The following CRISP3 variants were observed in gnomAD, a reference collection of about 807,000 sequenced individuals.
The protein encoded by CRISP3 is cysteine-rich secretory protein 3.
CRISP3 carries 33 observed loss-of-function variants against 36.1 expected under a neutral mutation model. The ratio of observed to expected loss-of-function variants is 0.91; its 90% CI spans 0.69 to 1.22. The LOEUF (loss-of-function observed/expected upper bound fraction) is 1.22, where lower values mean the gene tolerates loss of function less well. CRISP3 is among the 50% of genes most tolerant of loss of function. The pLI, the probability that CRISP3 is intolerant of heterozygous loss-of-function variation, is 0.00. For synonymous variants in CRISP3, 117 were observed against 104.6 expected, an observed-to-expected ratio of 1.12 and a Z score of -0.72; for missense variants, 330 against 301.2, an observed-to-expected ratio of 1.10 and a Z score of -0.71.
In CRISP3 at chr6:49,727,384, C is replaced by G. The variant is rs1307513070; in HGVS notation, c.*1346G>C. 1 of 151,582 alleles carries G rather than the reference C, an allele frequency of 6.6e-6. No individual in the cohort carries two copies. Among genetic ancestry groups the G allele is most frequent in the Non-Finnish European group, 1.5e-5 (1 of 67,828 alleles). The allele number at this position is 151,582 out of a possible 1,614,324, so 9.4% of individuals were successfully genotyped here. ...GAAATAAAATTCTTGTATTTTTTTT[C>G]AAGACACTTTTTATTTTGCATTGCT... On this transcript the variant is annotated 3_prime_UTR_variant, in exon 8 of 8. Coordinates refer to ENST00000263045, the MANE Select transcript of CRISP3 (RefSeq NM_006061.4).
chr6:49,733,670 T>C (rs753593361), intron 5 of CRISP3, 33 bp downstream of exon 5: 4 of 1,583,280 alleles, frequency 2.5e-6, no homozygotes, highest in East Asian at 4.5e-5. Flanking sequence ...AGGGCACTTA[T>C]AAAGGAGATG....
chr6:49,732,132 A>T (rs1300418524), intron 6 of CRISP3, among the ~76,000 whole-genome samples: 1 of 152,180 alleles, frequency 6.6e-6, no homozygotes, highest in Non-Finnish European at 1.5e-5. Context: ...TGTGAAATAG[A>T]TATCAAAGTG....
chr6:49,741,131 AAC>A (rs1491038336), intron 1 of CRISP3, among the ~76,000 whole-genome samples: 6 of 92,494 alleles, frequency 6.5e-5, no homozygotes, highest in African/African-American at 2.5e-4. Context: ...AAACAAAAAA[AAC>A]AAACAAAAAA....
At chr6:49,736,304 CAA>C in intron 3 of CRISP3, 85 bp downstream of exon 3, 2 of 835,346 alleles carry the variant, frequency 2.4e-6, no homozygotes, top group African/African-American at 1.7e-5. Context: ...TTGTAAACTT[CAA>C]AGTTATTAAG....
chr6:49,741,702 T>C (rs1019622893), intron 1 of CRISP3, among the ~76,000 whole-genome samples: 1 of 146,950 alleles, frequency 6.8e-6, no homozygotes, highest in Non-Finnish European at 1.5e-5. Context: ...CCCAATATAA[T>C]GGTTATTGGA....
chr6:49,741,844 A>T (rs1487165419), intron 1 of CRISP3, among the ~76,000 whole-genome samples: 1 of 147,042 alleles, frequency 6.8e-6, no homozygotes, highest in Non-Finnish European at 1.5e-5. Flanking sequence ...TATATATATA[A>T]TATATACAAG....
chr6:49,728,817 T>A lies in CRISP3; in HGVS notation c.690A>T (p.Lys230Asn). The change falls in exon 8 of 8, where the codon AAA (lysine) becomes AAT (asparagine). Residue 230 changes from lysine (K) to asparagine (N), a missense_variant. Coordinates refer to ENST00000263045, the MANE Select transcript of CRISP3 (RefSeq NM_006061.4). Reference sequence around the variant, plus strand: ...TACAGGTTAATGTGAGCTTCAAACTTTTACAGTTACTATAGAGATCTTCGT... The same window carrying A: ...TACAGGTTAATGTGAGCTTCAAACTATTACAGTTACTATAGAGATCTTCGT... The part of the protein sequence containing the change: ...CKYEDLYSNC[K>N]SLKLTLTCKH... 6.2e-7 allele frequency: 1 copy of A among 1,612,782 alleles called. No individual in the cohort carries two copies. The highest frequency in any genetic ancestry group is 8.5e-7 in the Non-Finnish European group (1 of 1,179,260).
At chr6:49,741,954 ATTG>A (rs1377582874) in intron 1 of CRISP3, among the ~76,000 whole-genome samples, 1 of 149,848 alleles carries the variant, frequency 6.7e-6, no homozygotes, top group Non-Finnish European at 1.5e-5. Flanking sequence ...TAAAATTGTT[ATTG>A]TTTTCAAATG....
chr6:49,733,749 C>A lies in CRISP3; in HGVS notation c.416G>T (p.Gly139Val). The change falls in exon 5 of 8, where the codon GGT (glycine) becomes GTT (valine). Residue 139 changes from glycine to valine, a missense_variant. By Grantham distance (109) the Gly-to-Val change is moderately radical. Coordinates refer to ENST00000263045, the MANE Select transcript of CRISP3 (RefSeq NM_006061.4). ...TGCGTTGGGAGTCTTTGGCCCTACA[C>A]CAAAGTCAAAATCATTGTACTCATC... is the stretch of plus-strand genomic sequence containing the variant. Reference protein sequence around the residue: ...WFDEYNDFDFGVGPKTPNAVV... With the variant: ...WFDEYNDFDFVVGPKTPNAVV... 6.2e-6 allele frequency: 10 copies of A among 1,613,644 alleles called. No individual in the cohort carries two copies. Among genetic ancestry groups the A allele is most frequent in the Non-Finnish European group, 8.5e-6 (10 of 1,179,660 alleles).
In CRISP3 at chr6:49,730,979, T is replaced by C. The variant is rs573274193; in HGVS notation, c.649+184A>G. Among the ~76,000 whole-genome samples, 5 of 152,268 alleles carry C rather than the reference T, an allele frequency of 3.3e-5. No individual in the cohort carries two copies. In the East Asian group the frequency reaches 9.7e-4, roughly 29 times the overall value. On this transcript the variant is annotated intron_variant, in intron 7 of 7. Coordinates refer to ENST00000263045, the MANE Select transcript of CRISP3 (RefSeq NM_006061.4). ...ATCACTTGATCCCTGCAAGCGGAGG[T>C]TGCAGTGAGCCGAGATGGCACCACT...
chr6:49,744,113 T>TA (rs1371798558), intron 1 of CRISP3, among the ~76,000 whole-genome samples: 1 of 152,138 alleles, frequency 6.6e-6, no homozygotes, highest in Non-Finnish European at 1.5e-5. Context: ...TCAAACTGGA[T>TA]AAAAGTGCTT....
At chr6:49,739,036 C>T (rs928504116) in intron 1 of CRISP3, among the ~76,000 whole-genome samples, 3 of 151,770 alleles carry the variant, frequency 2.0e-5, no homozygotes, top group Non-Finnish European at 4.4e-5. Context: ...ATGATGTTGC[C>T]AGAATGCAGA....
chr6:49,743,511 C>T (rs558828661), intron 1 of CRISP3, among the ~76,000 whole-genome samples: 25 of 152,240 alleles, frequency 1.6e-4, no homozygotes, highest in African/African-American at 4.8e-4. Context: ...CCCAGAGTTT[C>T]CTGGATAGCA....
intron 3 of CRISP3, 76 bp downstream of exon 3, chr6:49,736,315 A>G: frequency 1.1e-6 from 1 of 895,388 alleles, no homozygotes; most frequent in Non-Finnish European, 1.8e-6. Context: ...AAAGTTATTA[A>G]GAGATATTAG....
intron 4 of CRISP3, among the ~76,000 whole-genome samples, chr6:49,735,248 C>A (rs1471172947): frequency 6.6e-6 from 1 of 152,060 alleles, no homozygotes; most frequent in Non-Finnish European, 1.5e-5. Flanking sequence ...AAGAGATGAT[C>A]TGTAACCTGC....
chr6:49,741,162 A>C (rs944066635), intron 1 of CRISP3, among the ~76,000 whole-genome samples: 1 of 151,430 alleles, frequency 6.6e-6, no homozygotes. Context: ...AAAAAAAAAA[A>C]AACAAAAAAC....
chr6:49,744,255 C>G, intron 1 of CRISP3, 76 bp downstream of exon 1: 2 of 1,067,266 alleles, frequency 1.9e-6, no homozygotes, highest in Non-Finnish European at 2.7e-6. Flanking sequence ...ATCACTTTAT[C>G]ATTGATAAGG....
intron 1 of CRISP3, among the ~76,000 whole-genome samples, chr6:49,738,246 TTCA>T (rs1769109942): frequency 6.6e-6 from 1 of 152,312 alleles, no homozygotes; most frequent in South Asian, 2.1e-4. Context: ...GCATAAAATT[TTCA>T]TCATGTTATC....
At chr6:49,741,352 G>A (rs1471928083) in intron 1 of CRISP3, among the ~76,000 whole-genome samples, 1 of 151,678 alleles carries the variant, frequency 6.6e-6, no homozygotes, top group African/African-American at 2.4e-5. Context: ...TATAATTCCG[G>A]GATTGACTCA....
Sources: gnomAD v4.1 joint callset for allele counts (sites outside exome capture counted in the v4.1 genomes callset) on GRCh38, gnomAD v4.1.1 for gene constraint, MANE v1.5 for transcripts, NCBI Gene and HGNC (gene_info 2026-07-23, HGNC 2026-07-21) for gene names.